Variants in ZP1 observed in about 807,000 individuals in gnomAD.
ZP1 encodes the protein zona pellucida glycoprotein 1.
In ZP1, 58 loss-of-function variants were observed where a neutral mutation model predicts 67.4. The ratio of observed to expected loss-of-function variants is 0.86; its 90% confidence interval spans 0.70 to 1.07. The LOEUF (loss-of-function observed/expected upper bound fraction) is 1.07. Ranked by LOEUF, ZP1 falls within the 50% of genes least tolerant of loss-of-function variation. The pLI is 0.00. For synonymous variants in ZP1, 333 were observed against 332.7 expected (o/e 1.00, Z -0.01); for missense variants, 759 against 807.3 (o/e 0.94, Z 0.72).
chr11:60,870,321 C>A lies in ZP1; in HGVS notation c.683-11C>A. ...TGTGCCTTCAGCCTCATCACTCTGTCCCAACCCTAGGTACCCACCTGAGCC... is the reference window on the plus strand; with the variant it reads ...TGTGCCTTCAGCCTCATCACTCTGTACCAACCCTAGGTACCCACCTGAGCC... On this transcript the variant is annotated splice_polypyrimidine_tract_variant and intron_variant, in intron 3 of 11. Coordinates refer to ENST00000278853, the MANE Select transcript of ZP1 (RefSeq NM_207341.4). 6.3e-7 allele frequency: 1 copy of A among 1,585,168 alleles called. No homozygotes were observed. Among genetic ancestry groups the A allele is most frequent in the Non-Finnish European group, 8.6e-7 (1 of 1,166,834 alleles).
Position 60,867,589 on chromosome 11 carries a change from G to A in ZP1, c.28G>A (p.Gly10Ser), listed in dbSNP as rs1217617790. The change falls in exon 1 of 12, where the codon GGT (glycine) becomes AGT (serine). Residue 10 changes from glycine to serine, a missense_variant. Gly to Ser is a moderately conservative substitution (Grantham distance 56). Coordinates refer to ENST00000278853, the MANE Select transcript of ZP1 (RefSeq NM_207341.4). Reference sequence around the variant, plus strand: ...GGCAGGAGGCTCAGCCACGACCTGGGGTTACCCTGTGGCCCTGCTACTGCT... The same window carrying A: ...GGCAGGAGGCTCAGCCACGACCTGGAGTTACCCTGTGGCCCTGCTACTGCT... MAGGSATTWGYPVALLLLVA... is the reference protein window; with the variant it reads MAGGSATTWSYPVALLLLVA... The A allele has an allele frequency of 3.1e-6, 5 of 1,612,994 alleles. No individual in the cohort carries two copies. In the Admixed American group the frequency reaches 6.7e-5, roughly 22 times the overall value.
intron 1 of ZP1, among the ~76,000 whole-genome samples, chr11:60,868,039 C>CTTT (rs3044654): frequency 3.6e-5 from 5 of 140,656 alleles, no homozygotes; most frequent in Admixed American, 7.1e-5. Context: ...CATTTCTTTT[C>CTTT]TTTTTTTTTT....
Position 60,871,051 on chromosome 11 carries a change from G to T in ZP1, c.921G>T (p.Leu307=), listed in dbSNP as rs746593992. ...GGATCACACTGGCCAACATCCACCT[G>T]GCCTATGCCCCCACCAGCTGCTCCC... ...THRITLANIH[L]AYAPTSCSPT... is the part of the protein sequence containing the mutation. The change falls in exon 5 of 12, where the codon CTG becomes CTT. Residue 307 remains leucine, a synonymous_variant. Coordinates refer to ENST00000278853, the MANE Select transcript of ZP1 (RefSeq NM_207341.4). 3.7e-6 allele frequency: 6 copies of T among 1,614,204 alleles called. No homozygotes were observed. In the East Asian group the frequency reaches 1.3e-4, roughly 36 times the overall value.
intron 1 of ZP1, 85 bp downstream of exon 1, chr11:60,867,842 C>T (rs896638048): frequency 1.4e-6 from 2 of 1,480,062 alleles, no homozygotes; most frequent in African/African-American, 1.4e-5. Flanking sequence ...CCTGAAGGAG[C>T]AAGAACAGAG....
In ZP1 at chr11:60,875,022, T is replaced by G. The variant is rs1207012602; in HGVS notation, c.1654+8T>G. On this transcript the variant is annotated splice_region_variant and intron_variant, in intron 10 of 11. Transcript: ENST00000278853. ...GTAGCACTGGCACTACAAGTGAGTC[T>G]GGGTTGCGAGTGGTATTTGTTCCTT... The G allele has an allele frequency of 3.6e-5, 58 of 1,614,136 alleles. No individual in the cohort carries two copies. Among genetic ancestry groups the G allele is most frequent in the Non-Finnish European group, 4.8e-5 (57 of 1,180,056 alleles).
chr11:60,868,336 T>C (rs1469317146), intron 1 of ZP1, among the ~76,000 whole-genome samples: 1 of 152,212 alleles, frequency 6.6e-6, no homozygotes, highest in East Asian at 1.9e-4. Flanking sequence ...CGTGAGCCAC[T>C]GCACCCAGCC....
intron 1 of ZP1, among the ~76,000 whole-genome samples, chr11:60,868,031 T>C (rs1815883): frequency 0.12 from 10,057 of 83,292 alleles, 708 homozygotes; most frequent in African/African-American, 0.26. Flanking sequence ...AGCCTCTGCA[T>C]TTCTTTTCTT....
intron 9 of ZP1, 42 bp downstream of exon 9, chr11:60,873,817 A>C: frequency 6.2e-7 from 1 of 1,608,142 alleles, no homozygotes; most frequent in Admixed American, 1.7e-5. Flanking sequence ...CCATCTGTTA[A>C]GTGGGAGGAG....
Position 60,869,228 on chromosome 11 carries a change from T to C in ZP1, c.280T>C (p.Phe94Leu). ...CTCCAGGCCGCAGGAGCCTGCAGTC[T>C]TCTCGGCCGATTACAGAGGCTGCCA... is the stretch of plus-strand genomic sequence containing the variant. ...VTSRPQEPAVFSADYRGCHVL... is the reference protein window; with the variant it reads ...VTSRPQEPAVLSADYRGCHVL... Residue 94 changes from phenylalanine (F) to leucine (L), a missense_variant, in exon 2 of 12, where the codon TTC (phenylalanine) becomes CTC (leucine). Physicochemically the swap from Phe to Leu is conservative, Grantham distance 22. Transcript: ENST00000278853. 1 of 1,614,228 alleles carries C rather than the reference T, an allele frequency of 6.2e-7. No homozygotes were observed. The highest frequency in any genetic ancestry group is 8.5e-7 in the Non-Finnish European group (1 of 1,180,050).
chr11:60,873,753 C>T lies in ZP1; in HGVS notation c.1550C>T (p.Ser517Phe). The change falls in exon 9 of 12, where the codon TCC becomes TTC. Residue 517 changes from serine to phenylalanine, a missense_variant. Transcript: ENST00000278853. ...ACCTTCGCCCTCCTGGACTCAGGCT[C>T]CCAGAGAGCCCTCAGAGGACTGGTA... ...VATFALLDSG[S>F]QRALRGLVYL... is the part of the protein sequence containing the mutation. 1.2e-6 allele frequency: 2 copies of T among 1,614,038 alleles called. No homozygotes were observed. Among genetic ancestry groups the T allele is most frequent in the Non-Finnish European group, 1.7e-6 (2 of 1,180,040 alleles).
Position 60,870,962 on chromosome 11 carries a change from G to A in ZP1, c.832G>A (p.Val278Ile), listed in dbSNP as rs1855554969. The part of the protein sequence containing the change: ...VPCYYGNTAT[V>I]QCFRDGYFVL... ...CTCATCTGCCTTTGTCCCAGCTACT[G>A]TCCAGTGCTTCAGAGATGGCTACTT... is the stretch of plus-strand genomic sequence containing the variant. The change falls in exon 5 of 12, where the codon GTC (valine) becomes ATC (isoleucine). Residue 278 changes from valine to isoleucine, a missense_variant. Val to Ile is a conservative substitution (Grantham distance 29). Transcript: ENST00000278853. The A allele has an allele frequency of 1.2e-6, 2 of 1,613,334 alleles. No individual in the cohort carries two copies. Among genetic ancestry groups the A allele is most frequent in the African/African-American group, 1.3e-5 (1 of 74,944 alleles).
At chr11:60,872,824 G>A (rs964603666) in intron 6 of ZP1, among the ~76,000 whole-genome samples, 5 of 152,138 alleles carry the variant, frequency 3.3e-5, no homozygotes, top group African/African-American at 4.8e-5. Context: ...CAGGGGCCTC[G>A]AACGGCACAG....
Position 60,869,639 on chromosome 11 carries a change from T to C in ZP1, c.421T>C (p.Ser141Pro). Reference sequence around the variant, plus strand: ...TCTGATCTGTCCCAAACCTGACCCCTCCCGGACTCTGGACTCCCAGCTGGC... The same window carrying C: ...TCTGATCTGTCCCAAACCTGACCCCCCCCGGACTCTGGACTCCCAGCTGGC... ...ATLICPKPDP[S>P]RTLDSQLAPP... The change falls in exon 3 of 12, where the codon TCC becomes CCC. Residue 141 changes from serine to proline, a missense_variant. Coordinates refer to ENST00000278853, the MANE Select transcript of ZP1 (RefSeq NM_207341.4). The C allele has an allele frequency of 6.2e-7, 1 of 1,614,052 alleles. No homozygotes were observed.
In ZP1 at chr11:60,869,204, T is replaced by G. The variant is rs775176811; in HGVS notation, c.256T>G (p.Ser86Ala). 6.2e-7 allele frequency: 1 copy of G among 1,614,120 alleles called. No homozygotes were observed. Among genetic ancestry groups the G allele is most frequent in the Admixed American group, 1.7e-5 (1 of 60,018 alleles). The part of the protein sequence containing the change: ...NCSICYHWVT[S>A]RPQEPAVFSA... ...CTCCATCTGCTACCACTGGGTCACC[T>G]CCAGGCCGCAGGAGCCTGCAGTCTT... is the stretch of plus-strand genomic sequence containing the variant. Residue 86 changes from serine (S) to alanine (A), a missense_variant, in exon 2 of 12, where the codon TCC becomes GCC. By Grantham distance (99) the Ser-to-Ala change is moderately conservative. Coordinates refer to ENST00000278853, the MANE Select transcript of ZP1 (RefSeq NM_207341.4).
chr11:60,873,378 A>G lies in ZP1; in HGVS notation c.1244A>G (p.Glu415Gly). The G allele has an allele frequency of 6.2e-7, 1 of 1,602,604 alleles. No homozygotes were observed. Among genetic ancestry groups the G allele is most frequent in the South Asian group, 1.1e-5 (1 of 90,802 alleles). Residue 415 changes from glutamate to glycine, a missense_variant, in exon 8 of 12, where the codon GAG (glutamate) becomes GGG (glycine). Coordinates refer to ENST00000278853, the MANE Select transcript of ZP1 (RefSeq NM_207341.4). ...TCATGAGTCACTCTCCCTGCAGACG[A>G]GACCTTCAGCTCGTACTATGGGGAG... The part of the protein sequence containing the change: ...LRLELRIAKD[E>G]TFSSYYGEDD...
At chr11:60,870,240 A>G (rs1855540204) in intron 3 of ZP1, 92 bp from the exon 4 acceptor site, 4 of 1,276,492 alleles carry the variant, frequency 3.1e-6, no homozygotes, top group African/African-American at 1.5e-5. Context: ...GGCTAAGAGC[A>G]CAAGCTCTGG....
At position 60,872,550 on chromosome 11, in the gene ZP1, T is replaced by G. The variant is rs17155454; in HGVS notation, c.1113-612T>G. Among the ~76,000 whole-genome samples the G allele has an allele frequency of 8.6e-3, 1,312 of 152,298 alleles. 18 individuals are homozygous for G. The highest frequency in any genetic ancestry group is 0.03 in the African/African-American group (1,227 of 41,566). On this transcript the variant is annotated intron_variant, in intron 6 of 11. Coordinates refer to ENST00000278853, the MANE Select transcript of ZP1 (RefSeq NM_207341.4). ...GCCCTTAGGCTAGTGAGGAAGATGC[T>G]AGACACTGTGGCCTTTAGGCTGTGG...
Position 60,873,255 on chromosome 11 carries a change from C to T in ZP1, c.1206C>T (p.Pro402=), listed in dbSNP as rs151198562. 1.9e-5 allele frequency: 30 copies of T among 1,594,090 alleles called. No homozygotes were observed. The East Asian group carries it at 3.1e-4, about 17-fold the overall frequency. Residue 402 remains proline (P), a synonymous_variant, in exon 7 of 12, where the codon CCC becomes CCT. Coordinates refer to ENST00000278853, the MANE Select transcript of ZP1 (RefSeq NM_207341.4). The stretch of plus-strand genomic sequence containing the variant: ...CATCGCCTGCTCCTATGACCCAGCC[C>T]GGCCCCCTGCGGCTTGAGCTGCGGA... ...PPPSPAPMTQ[P]GPLRLELRIA...
intron 9 of ZP1, 56 bp downstream of exon 9, chr11:60,873,831 G>C (rs1855643573): frequency 6.2e-7 from 1 of 1,603,224 alleles, no homozygotes; most frequent in East Asian, 2.2e-5. Context: ...GGAGGAGCTG[G>C]TCGCCAAATC....
Sources: gnomAD v4.1 joint callset for allele counts (sites outside exome capture counted in the v4.1 genomes callset) on GRCh38, gnomAD v4.1.1 for gene constraint, MANE v1.5 for transcripts, NCBI Gene and HGNC (gene_info 2026-07-23, HGNC 2026-07-21) for gene names.